The following HS3ST4 variants were observed in gnomAD, a reference collection of about 807,000 sequenced individuals.
HS3ST4 encodes the protein heparan sulfate glucosamine 3-O-sulfotransferase 4.
Under a neutral mutation model 29.2 loss-of-function variants are expected in HS3ST4, and 17 were observed. That is an observed-to-expected ratio of 0.58 (90% CI 0.40 to 0.87). The LOEUF is 0.87. Among genes scored for constraint, HS3ST4 ranks in the 40% least tolerant of loss-of-function variants. The pLI, the probability that HS3ST4 is intolerant of heterozygous loss-of-function variation, is 0.00. For missense variants in HS3ST4, 627 were observed against 634.5 expected (o/e 0.99, Z 0.13); for synonymous variants, 314 against 285.7 (o/e 1.10, Z -1.00).
At chr16:25,917,000 T>C (rs1328911902) in intron 1 of HS3ST4, among the ~76,000 whole-genome samples, 1 of 152,112 alleles carries the variant, frequency 6.6e-6, no homozygotes, top group Non-Finnish European at 1.5e-5. Flanking sequence ...CTTAAGTGCC[T>C]GTGCCACTAT....
In HS3ST4 at chr16:25,692,627, CGCCGCCGCCGA is replaced by C; in HGVS notation, c.214_224del (p.Ala72ProfsTer194). ...CTCTGGCGCTGCAGGAGTCGCCGGG[CGCCGCCGCCGA>C]GCCCCCGCCGAGCCCGCCGCCACCC... On this transcript the variant is annotated frameshift_variant, in exon 1 of 2. Coordinates refer to ENST00000331351, the MANE Select transcript of HS3ST4 (RefSeq NM_006040.3). LOFTEE classifies it high-confidence loss of function. The C allele has an allele frequency of 7.3e-7, 1 of 1,368,586 alleles. No homozygotes were observed. Among genetic ancestry groups the C allele is most frequent in the Non-Finnish European group, 9.5e-7 (1 of 1,050,964 alleles). 84.8% of individuals were successfully genotyped at this position (1,368,586 alleles called of 1,614,324 possible).
rs1037371772 is a variant in HS3ST4, at chr16:26,013,666, G to A, written c.735-121946G>A. Among the ~76,000 whole-genome samples the A allele has an allele frequency of 5.9e-5, 9 of 152,126 alleles. 1 individual carries two copies. Among genetic ancestry groups the A allele is most frequent in the Admixed American group, 4.6e-4 (7 of 15,278 alleles). ...AAAGTGTTCTCACCTCAGGGCCTTC[G>A]CATAAATGCTTCCTTCTCAGAGAGA... On this transcript the variant is annotated intron_variant, in intron 1 of 1. Coordinates refer to ENST00000331351, the MANE Select transcript of HS3ST4 (RefSeq NM_006040.3).
At chr16:25,855,847 G>A (rs1161714011) in intron 1 of HS3ST4, among the ~76,000 whole-genome samples, 3 of 152,074 alleles carry the variant, frequency 2.0e-5, no homozygotes, top group African/African-American at 7.2e-5. Context: ...GGGCTTGACT[G>A]CCTGGGCTGA....
At chr16:25,952,932 T>G (rs1056006630) in intron 1 of HS3ST4, among the ~76,000 whole-genome samples, 4 of 151,754 alleles carry the variant, frequency 2.6e-5, no homozygotes, top group African/African-American at 9.7e-5. Context: ...CTGTCACCTC[T>G]GGACCCCTCA....
chr16:26,019,158 C>A (rs2141745506), intron 1 of HS3ST4, among the ~76,000 whole-genome samples: 1 of 152,172 alleles, frequency 6.6e-6, no homozygotes, highest in Non-Finnish European at 1.5e-5. Context: ...CCCCCCGATC[C>A]ACCCCCTCAA....
At chr16:25,793,099 C>T (rs140203475) in intron 1 of HS3ST4, among the ~76,000 whole-genome samples, 1,634 of 151,864 alleles carry the variant, frequency 0.011, 15 homozygotes, top group Non-Finnish European at 0.017. Context: ...CTTTGGTTAT[C>T]AACCTGTGGC....
chr16:25,692,617 A>G lies in HS3ST4; in HGVS notation c.200A>G (p.Glu67Gly). ...CTGCAATTCCCTCTGGCGCTGCAGGAGTCGCCGGGCGCCGCCGCCGAGCCC... is the reference window on the plus strand; with the variant it reads ...CTGCAATTCCCTCTGGCGCTGCAGGGGTCGCCGGGCGCCGCCGCCGAGCCC... The part of the protein sequence containing the change: ...GSLQFPLALQ[E>G]SPGAAAEPPP... The change falls in exon 1 of 2, where the codon GAG becomes GGG. Residue 67 changes from glutamate to glycine, a missense_variant. Glu to Gly is a moderately conservative substitution (Grantham distance 98). Around this residue, in one of 2 missense-constraint regions of HS3ST4, gnomAD observed 402 missense variants for 340.8 expected, o/e 1.18. Coordinates refer to ENST00000331351, the MANE Select transcript of HS3ST4 (RefSeq NM_006040.3). 7.3e-7 allele frequency: 1 copy of G among 1,375,838 alleles called. No individual in the cohort carries two copies. Among genetic ancestry groups the G allele is most frequent in the African/African-American group, 1.5e-5 (1 of 65,658 alleles). 85.2% of individuals were successfully genotyped at this position (1,375,838 alleles called of 1,614,324 possible). A position where few individuals can be genotyped will look rare whatever the true frequency, so the allele number is the denominator to read the frequency against.
At chr16:26,119,035 T>C (rs1277910568) in intron 1 of HS3ST4, among the ~76,000 whole-genome samples, 1 of 152,248 alleles carries the variant, frequency 6.6e-6, no homozygotes, top group East Asian at 1.9e-4. Flanking sequence ...ATAGTATCAA[T>C]GAAACATTAT....
At chr16:25,825,069 C>T (rs1188498551) in intron 1 of HS3ST4, among the ~76,000 whole-genome samples, 1 of 152,150 alleles carries the variant, frequency 6.6e-6, no homozygotes. Context: ...GACACAGACA[C>T]ACTGAGAGAA....
chr16:25,926,690 G>T (rs1385939315), intron 1 of HS3ST4, among the ~76,000 whole-genome samples: 1 of 152,158 alleles, frequency 6.6e-6, no homozygotes, highest in African/African-American at 2.4e-5. Context: ...TGAGGAGACT[G>T]GGGCGAAGAA....
At chr16:25,858,055 TTC>T (rs1263803404) in intron 1 of HS3ST4, among the ~76,000 whole-genome samples, 3 of 151,262 alleles carry the variant, frequency 2.0e-5, no homozygotes, top group African/African-American at 7.3e-5. Context: ...TTCTCTTTCT[TTC>T]TTTCGTTCTT....
intron 1 of HS3ST4, among the ~76,000 whole-genome samples, chr16:25,826,921 A>G (rs1233429471): frequency 6.6e-6 from 1 of 152,182 alleles, no homozygotes; most frequent in Non-Finnish European, 1.5e-5. Flanking sequence ...TATTACCTCC[A>G]ACCTCAGTGA....
intron 1 of HS3ST4, among the ~76,000 whole-genome samples, chr16:25,994,915 A>G (rs951503334): frequency 2.0e-5 from 3 of 152,164 alleles, no homozygotes; most frequent in African/African-American, 4.8e-5. Context: ...TTTCACTTCA[A>G]TATGTCAATT....
chr16:26,012,163 G>A (rs964858174), intron 1 of HS3ST4, among the ~76,000 whole-genome samples: 1 of 152,160 alleles, frequency 6.6e-6, no homozygotes, highest in African/African-American at 2.4e-5. Flanking sequence ...GTTTGCAGGC[G>A]ATCCTGTTTT....
intron 1 of HS3ST4, among the ~76,000 whole-genome samples, chr16:25,738,672 CT>C (rs1258004345): frequency 6.6e-6 from 1 of 152,100 alleles, no homozygotes; most frequent in Non-Finnish European, 1.5e-5. Context: ...GCCTGTTTCC[CT>C]TAGTTTTTCC....
rs773058196 is a variant in HS3ST4, at chr16:26,118,699, G to A, written c.735-16913G>A. Among the ~76,000 whole-genome samples the A allele has an allele frequency of 8.7e-4, 133 of 152,306 alleles. No individual in the cohort carries two copies. The Middle Eastern group carries it at 0.017, about 19-fold the overall frequency. On this transcript the variant is annotated intron_variant, in intron 1 of 1. Coordinates refer to ENST00000331351, the MANE Select transcript of HS3ST4 (RefSeq NM_006040.3). ...GCTGAATGACAAGGAGGAGCCAGCT[G>A]TACAAAGATCTGGGGAAAGATCACT... is the stretch of plus-strand genomic sequence containing the variant.
intron 1 of HS3ST4, among the ~76,000 whole-genome samples, chr16:26,089,635 A>C (rs761980552): frequency 4.6e-5 from 7 of 152,250 alleles, no homozygotes; most frequent in Admixed American, 2.6e-4. Context: ...CCACAGGCAG[A>C]GTGCTTCAGG....
chr16:25,861,537 T>A (rs1462861164), intron 1 of HS3ST4, among the ~76,000 whole-genome samples: 1 of 152,160 alleles, frequency 6.6e-6, no homozygotes, highest in Non-Finnish European at 1.5e-5. Context: ...TTGTTGTTGT[T>A]GTAAAATAAA....
chr16:25,816,822 AG>A (rs1967096721), intron 1 of HS3ST4, among the ~76,000 whole-genome samples: 1 of 152,160 alleles, frequency 6.6e-6, no homozygotes, highest in South Asian at 2.1e-4. Context: ...GAGTCCCAAG[AG>A]GTGACACAGG....
Sources: allele counts gnomAD v4.1 joint callset (sites outside exome capture counted in the v4.1 genomes callset), GRCh38; gene constraint gnomAD v4.1.1; regional missense constraint gnomAD v4.1.1; transcripts MANE v1.5; gene names NCBI Gene and HGNC (gene_info 2026-07-23, HGNC 2026-07-21).